Variants in PRMT8 observed in about 807,000 individuals in gnomAD.
The protein encoded by PRMT8 is protein arginine methyltransferase 8, also known as protein arginine N-methyltransferase 8.
In PRMT8, 7 loss-of-function variants were observed where a neutral mutation model predicts 47.1. The ratio of observed to expected loss-of-function variants is 0.15; its 90% CI spans 0.08 to 0.28. PRMT8 has a LOEUF of 0.28. Ranked by LOEUF, PRMT8 falls within the 10% of genes least tolerant of loss-of-function variation. PRMT8 has a pLI of 1.00. For synonymous variants in PRMT8, 188 were observed against 186.5 expected (o/e 1.01, Z -0.07); for missense variants, 237 against 505.4 (o/e 0.47, Z 5.09).
rs547441558 is a variant in PRMT8, at chr12:3,567,903, G to A, written c.482-803G>A. 3.9e-5 allele frequency among the ~76,000 whole-genome samples: 6 copies of A among 151,956 alleles called. No individual in the cohort carries two copies. In the East Asian group the frequency reaches 5.8e-4, roughly 15 times the overall value. On this transcript the variant is annotated intron_variant, in intron 4 of 9. Coordinates refer to ENST00000382622, the MANE Select transcript of PRMT8 (RefSeq NM_019854.5). ...ACTCTGGCCAACATGGTGAAACCCCGTCTCTACTAAAAATACAAAATTAGC... is the reference window on the plus strand; with the variant it reads ...ACTCTGGCCAACATGGTGAAACCCCATCTCTACTAAAAATACAAAATTAGC...
At chr12:3,498,994 C>G (rs1338784907) in intron 1 of PRMT8, among the ~76,000 whole-genome samples, 1 of 152,052 alleles carries the variant, frequency 6.6e-6, no homozygotes, top group Non-Finnish European at 1.5e-5. Flanking sequence ...CCTTCCTTGG[C>G]TATAGACACA....
At chr12:3,506,720 C>T (rs889265390) in intron 1 of PRMT8, among the ~76,000 whole-genome samples, 1 of 152,174 alleles carries the variant, frequency 6.6e-6, no homozygotes, top group Non-Finnish European at 1.5e-5. Flanking sequence ...TCATTCTCTA[C>T]GGGAGGCTCC....
At chr12:3,478,437 G>A (rs76543318) in intron 1 of PRMT8, among the ~76,000 whole-genome samples, 2,006 of 152,272 alleles carry the variant, frequency 0.013, 52 homozygotes, top group African/African-American at 0.045. Context: ...CCTTCTGAAG[G>A]AAGCCATGGT....
intron 4 of PRMT8, among the ~76,000 whole-genome samples, chr12:3,558,496 GT>G (rs1866567204): frequency 6.6e-6 from 1 of 152,170 alleles, no homozygotes; most frequent in African/African-American, 2.4e-5. Flanking sequence ...TCCTTTTCAT[GT>G]TTTGTCAATT....
At chr12:3,445,203 A>G (rs1376639786) in intron 1 of PRMT8, among the ~76,000 whole-genome samples, 4 of 152,212 alleles carry the variant, frequency 2.6e-5, no homozygotes, top group African/African-American at 4.8e-5. Context: ...GTCACTATTT[A>G]AACAAAACTA....
At chr12:3,494,225 T>A (rs1865469980) in intron 1 of PRMT8, among the ~76,000 whole-genome samples, 1 of 152,092 alleles carries the variant, frequency 6.6e-6, no homozygotes. Context: ...GTTCCAAACA[T>A]GAGGACCACC....
At chr12:3,476,991 C>T (rs1419549140) in intron 1 of PRMT8, among the ~76,000 whole-genome samples, 1 of 152,146 alleles carries the variant, frequency 6.6e-6, no homozygotes. Flanking sequence ...TTGGGAACTT[C>T]TATTTGTAGG....
chr12:3,477,305 G>A (rs75166719), intron 1 of PRMT8, among the ~76,000 whole-genome samples: 11,031 of 152,302 alleles, frequency 0.072, 502 homozygotes, highest in Non-Finnish European at 0.1. Flanking sequence ...CACCTTCTAA[G>A]TGCTCCGCAC....
At chr12:3,459,749 C>T (rs145848549) in intron 1 of PRMT8, among the ~76,000 whole-genome samples, 18 of 152,202 alleles carry the variant, frequency 1.2e-4, no homozygotes, top group South Asian at 2.1e-4. Flanking sequence ...TGATGGAAGA[C>T]GCTGGAGCCT....
intron 1 of PRMT8, chr12:3,469,132 C>T (rs1283094144): frequency 1.8e-5 from 9 of 494,984 alleles, no homozygotes; most frequent in South Asian, 1.1e-4. Flanking sequence ...TCTTCCATGC[C>T]TATGTGCTTC....
rs140669996 is a variant in PRMT8 at position 3,466,591 on chromosome 12, A to G, written c.49-74015A>G. 1.2e-3 allele frequency among the ~76,000 whole-genome samples: 180 copies of G among 152,328 alleles called. 1 individual carries two copies. Among genetic ancestry groups the G allele is most frequent in the African/African-American group, 4.1e-3 (169 of 41,574 alleles). On this transcript the variant is annotated intron_variant, in intron 1 of 9. Transcript: ENST00000452611. ...TTCCAATAAGTATGACATTATCACTATCAGGCTAAATGGGTTCTTTTTGTG... is the reference window on the plus strand; with the variant it reads ...TTCCAATAAGTATGACATTATCACTGTCAGGCTAAATGGGTTCTTTTTGTG...
At chr12:3,589,520 T>C (rs183748080) in intron 8 of PRMT8, among the ~76,000 whole-genome samples, 20 of 152,310 alleles carry the variant, frequency 1.3e-4, no homozygotes, top group Admixed American at 9.2e-4. Context: ...TGTGTCTACG[T>C]CACCTGCCCC....
rs1867347066 is a variant in PRMT8, at chr12:3,593,088, C to A, written c.1102-11C>A. On this transcript the variant is annotated splice_polypyrimidine_tract_variant and intron_variant, in intron 9 of 9. Coordinates refer to ENST00000382622, the MANE Select transcript of PRMT8 (RefSeq NM_019854.5). This position sits in a 1 kb window ranked among gnomAD's most constrained non-coding sequence, Gnocchi z 4.8. ...GGCCGCCTGACCCTTCGCTCTCTCTCTGCCTTGCAGCGAGACCTCGATTTC... is the reference window on the plus strand; with the variant it reads ...GGCCGCCTGACCCTTCGCTCTCTCTATGCCTTGCAGCGAGACCTCGATTTC... The A allele has an allele frequency of 6.2e-7, 1 of 1,613,370 alleles. No homozygotes were observed. The highest frequency in any genetic ancestry group is 8.5e-7 in the Non-Finnish European group (1 of 1,179,356).
chr12:3,510,180 C>T (rs1353533550), intron 1 of PRMT8, among the ~76,000 whole-genome samples: 6 of 152,166 alleles, frequency 3.9e-5, no homozygotes, highest in African/African-American at 7.2e-5. Context: ...CTCCTAATTG[C>T]GGGCACTCAG....
At position 3,436,817 on chromosome 12, in the gene PRMT8, G is replaced by A. The variant is rs1003206660; in HGVS notation, c.48+55375G>A. Among the ~76,000 whole-genome samples, 5 of 152,218 alleles carry A rather than the reference G, an allele frequency of 3.3e-5. No individual in the cohort carries two copies. Among genetic ancestry groups the A allele is most frequent in the Non-Finnish European group, 5.9e-5 (4 of 68,038 alleles). On this transcript the variant is annotated intron_variant, in intron 1 of 9. Transcript: ENST00000452611. The surrounding 1 kb of genome is among the most constrained non-coding windows in gnomAD (Gnocchi z 4.2). ...AAGCGGATCCAGCAGGCAAGGCTGC[G>A]ATTTCTCTCTACTGATGCTGTGGCC...
At chr12:3,489,764 G>T (rs1363382672), upstream of PRMT8, among the ~76,000 whole-genome samples, 1 of 151,404 alleles carries the variant, frequency 6.6e-6, no homozygotes, top group Non-Finnish European at 1.5e-5. Context: ...TTCTGAGAAG[G>T]GAAAAGGTTA....
chr12:3,413,093 G>A (rs958325352), intron 1 of PRMT8, among the ~76,000 whole-genome samples: 1 of 152,146 alleles, frequency 6.6e-6, no homozygotes, highest in Non-Finnish European at 1.5e-5. Flanking sequence ...AAGTATATAC[G>A]CTTGCTTCTG....
At chr12:3,382,926 G>A (rs953874483) in intron 1 of PRMT8, among the ~76,000 whole-genome samples, 1 of 152,080 alleles carries the variant, frequency 6.6e-6, no homozygotes, top group Non-Finnish European at 1.5e-5. Flanking sequence ...TTCTCTTGTA[G>A]GAATCCAATT....
chr12:3,452,134 G>A (rs898273013), intron 1 of PRMT8, among the ~76,000 whole-genome samples: 10 of 152,152 alleles, frequency 6.6e-5, no homozygotes, highest in Non-Finnish European at 1.5e-5. Context: ...GACACACAGA[G>A]GGGAAGAACA....
Sources: gnomAD v4.1 joint callset for allele counts (sites outside exome capture counted in the v4.1 genomes callset) on GRCh38, gnomAD v4.1.1 for gene constraint, Gnocchi (gnomAD v3.1) non-coding constraint, MANE v1.5 for transcripts, NCBI Gene and HGNC (gene_info 2026-07-23, HGNC 2026-07-21) for gene names.